Variants in FERMT2 observed in about 807,000 individuals in gnomAD.
FERMT2 encodes the protein FERM domain containing kindlin 2.
FERMT2 carries 15 observed loss-of-function variants against 82.7 expected under a neutral mutation model. The observed-to-expected ratio is 0.18, with a 90% CI of 0.12 to 0.28. The LOEUF is 0.28. Among genes scored for constraint, FERMT2 ranks in the 10% least tolerant of loss-of-function variants. The pLI is 1.00. For synonymous variants in FERMT2, 274 were observed against 271.5 expected (o/e 1.01, Z -0.09); for missense variants, 645 against 809.4 (o/e 0.80, Z 2.46).
chr14:52,918,850 T>G (rs1048606034), intron 3 of FERMT2, among the ~76,000 whole-genome samples: 1 of 152,192 alleles, frequency 6.6e-6, no homozygotes, highest in Non-Finnish European at 1.5e-5. Flanking sequence ...CCCCTGAAAA[T>G]AGTGCCTGTT....
chr14:52,877,983 T>C (rs1886072534), intron 7 of FERMT2, among the ~76,000 whole-genome samples: 1 of 152,178 alleles, frequency 6.6e-6, no homozygotes, highest in African/African-American at 2.4e-5. Context: ...AAGTGGATAA[T>C]TAATTTTTAA....
chr14:52,946,099 G>A (rs1025531233), intron 2 of FERMT2, among the ~76,000 whole-genome samples: 1 of 152,034 alleles, frequency 6.6e-6, no homozygotes, highest in Non-Finnish European at 1.5e-5. Flanking sequence ...CTGGTCTCGA[G>A]CTCCTAACCT....
At chr14:52,859,881 G>A (rs537476932) in intron 13 of FERMT2, 167 bp from the exon 14 acceptor site, 32 of 383,838 alleles carry the variant, frequency 8.3e-5, no homozygotes, top group South Asian at 2.2e-4. Flanking sequence ...GCAGTGGCGC[G>A]ATCTCAGCTC....
Position 52,949,609 on chromosome 14 carries a change from T to TTTCA in FERMT2, c.157+799_157+802dup, listed in dbSNP as rs554131822. 7.0e-3 allele frequency among the ~76,000 whole-genome samples: 1,063 copies of TTTCA among 152,168 alleles called. 21 individuals are homozygous for TTTCA. Among genetic ancestry groups the TTTCA allele is most frequent in the African/African-American group, 0.024 (1,005 of 41,486 alleles). On this transcript the variant is annotated intron_variant, in intron 2 of 14. Transcript: ENST00000341590. ...AGCTGACTCTTCCAGATGAAAATGG[T>TTTCA]TTCATTCATCACAAAAATGTGTACT...
intron 7 of FERMT2, among the ~76,000 whole-genome samples, chr14:52,876,472 G>A (rs1333119285): frequency 6.6e-6 from 1 of 152,116 alleles, no homozygotes; most frequent in Non-Finnish European, 1.5e-5. Flanking sequence ...CCTGGAATCT[G>A]CATTTTTACT....
chr14:52,897,100 G>A (rs193085127), intron 3 of FERMT2, among the ~76,000 whole-genome samples: 147 of 150,664 alleles, frequency 9.8e-4, no homozygotes, highest in Non-Finnish European at 1.6e-3. Flanking sequence ...ATAAATAACT[G>A]AATCATTTAA....
At chr14:52,912,887 CTTATTCATTCAATTAATG>C (rs1180290116) in intron 3 of FERMT2, among the ~76,000 whole-genome samples, 1 of 152,018 alleles carries the variant, frequency 6.6e-6, no homozygotes, top group Non-Finnish European at 1.5e-5. Flanking sequence ...TTTTTTTCCT[CTTATTCATTCAATTAATG>C]TTCTCTAAGG....
intron 2 of FERMT2, among the ~76,000 whole-genome samples, chr14:52,925,936 G>A (rs963952927): frequency 3.9e-5 from 6 of 152,080 alleles, no homozygotes; most frequent in Non-Finnish European, 7.4e-5. Context: ...GAGCCACCGC[G>A]CCCGGCACAG....
chr14:52,859,616 A>G lies in FERMT2; in HGVS notation c.1826T>C (p.Phe609Ser), dbSNP rs1161072223. 1 of 1,611,604 alleles carries G rather than the reference A, an allele frequency of 6.2e-7. No individual in the cohort carries two copies. Among genetic ancestry groups the G allele is most frequent in the South Asian group, 1.1e-5 (1 of 90,470 alleles). The change falls in exon 14 of 15, where the codon TTC (phenylalanine) becomes TCC (serine). Residue 609 changes from phenylalanine (F) to serine (S), a missense_variant. Physicochemically the swap from Phe to Ser is radical, Grantham distance 155. Transcript: ENST00000341590. ...GACATTCCACTGTTTCATGTTGCTG[A>G]AACGCCATGTTTTAATTGCATCTCC... ...STGDAIKTWR[F>S]SNMKQWNVNW...
At chr14:52,863,272 A>G (rs1257477099) in intron 12 of FERMT2, 1 of 152,176 alleles carries the variant, frequency 6.6e-6, no homozygotes, top group African/African-American at 2.4e-5. Context: ...TTAGGTAGAA[A>G]TAATTTTAGA....
chr14:52,897,907 CGG>C, intron 3 of FERMT2, among the ~76,000 whole-genome samples: 1 of 130,044 alleles, frequency 7.7e-6, no homozygotes, highest in South Asian at 2.7e-4. Context: ...ACCCAAGAGG[CGG>C]AGGTTGCAGT....
At chr14:52,941,505 A>T (rs1046265520) in intron 2 of FERMT2, among the ~76,000 whole-genome samples, 1 of 152,206 alleles carries the variant, frequency 6.6e-6, no homozygotes, top group African/African-American at 2.4e-5. Flanking sequence ...TTAAAGAATG[A>T]ATTATAACGA....
Position 52,859,791 on chromosome 14 carries a change from G to A in FERMT2, c.1728-77C>T, listed in dbSNP as rs144030389. On this transcript the variant is annotated intron_variant, in intron 13 of 14. Coordinates refer to ENST00000341590, the MANE Select transcript of FERMT2 (RefSeq NM_006832.3). ...TGGACTGCTTTTCTTCAAGATAAGT[G>A]TTCTCTCTAACCCTAAAAGAGTACT... The A allele has an allele frequency of 8.8e-5, 72 of 816,494 alleles. No individual in the cohort carries two copies. In the African/African-American group the frequency reaches 1.2e-3, roughly 14 times the overall value. 50.6% of individuals were successfully genotyped at this position (816,494 alleles called of 1,614,324 possible).
chr14:52,918,739 G>C (rs1252370372), intron 3 of FERMT2, among the ~76,000 whole-genome samples: 1 of 152,202 alleles, frequency 6.6e-6, no homozygotes, highest in East Asian at 1.9e-4. Context: ...TTCCTTAGGA[G>C]CTGTGTCAGG....
At chr14:52,945,498 C>A (rs1170253897) in intron 2 of FERMT2, among the ~76,000 whole-genome samples, 1 of 152,000 alleles carries the variant, frequency 6.6e-6, no homozygotes, top group East Asian at 1.9e-4. Context: ...AGGTGATCCA[C>A]CTGCCTCAGA....
chr14:52,950,128 C>G (rs1890557975), intron 2 of FERMT2, among the ~76,000 whole-genome samples: 1 of 152,176 alleles, frequency 6.6e-6, no homozygotes. Flanking sequence ...TAAGAATTAA[C>G]GAGTTCCCCG....
intron 4 of FERMT2, chr14:52,881,827 G>T: frequency 7.8e-7 from 1 of 1,287,642 alleles, no homozygotes; most frequent in Non-Finnish European, 1.0e-6. Context: ...GAACATCAGT[G>T]CCTATAGGAA....
chr14:52,921,793 T>C (rs996621241), intron 2 of FERMT2, among the ~76,000 whole-genome samples: 2 of 152,208 alleles, frequency 1.3e-5, no homozygotes, highest in Non-Finnish European at 2.9e-5. Context: ...TTTCAGATTT[T>C]TGGATTACGA....
intron 3 of FERMT2, among the ~76,000 whole-genome samples, chr14:52,905,625 G>A (rs1187218217): frequency 6.6e-6 from 1 of 152,150 alleles, no homozygotes; most frequent in South Asian, 2.1e-4. Context: ...ACATTTCGAG[G>A]TGATGAGATG....
Sources: gnomAD v4.1 joint callset for allele counts (sites outside exome capture counted in the v4.1 genomes callset) on GRCh38, gnomAD v4.1.1 for gene constraint, MANE v1.5 for transcripts, NCBI Gene and HGNC (gene_info 2026-07-23, HGNC 2026-07-21) for gene names.